CREBBP: variants seen among roughly 807,000 people sequenced by gnomAD.
CREBBP encodes CREB binding lysine acetyltransferase, also known as CREB-binding protein.
CREBBP carries 19 observed loss-of-function variants against 265.0 expected under a neutral mutation model. That is an observed-to-expected ratio of 0.07 (90% CI 0.05 to 0.11). CREBBP has a LOEUF of 0.11. Among genes scored for constraint, CREBBP ranks in the 10% least tolerant of loss-of-function variants. CREBBP has a pLI of 1.00. For synonymous variants in CREBBP, 1,457 were observed against 1,223.7 expected, an observed-to-expected ratio of 1.19 and a Z score of -3.98; for missense variants, 2,525 against 3,219.0, an observed-to-expected ratio of 0.78 and a Z score of 5.22.
rs547358632 is a variant in CREBBP at position 3,819,558 on chromosome 16, G to C, written c.799-8779C>G. On this transcript the variant is annotated intron_variant, in intron 2 of 30. Coordinates refer to ENST00000262367, the MANE Select transcript of CREBBP (RefSeq NM_004380.3). ...TAGGACGATAGGGAGAGGCCGGCTG[G>C]GATTACTGGCATTTGGATTATGGGA... Among the ~76,000 whole-genome samples the C allele has an allele frequency of 2.0e-5, 3 of 152,250 alleles. No homozygotes were observed. In the South Asian group the frequency reaches 6.2e-4, roughly 32 times the overall value.
intron 2 of CREBBP, among the ~76,000 whole-genome samples, chr16:3,820,628 C>T (rs1337251038): frequency 1.3e-5 from 2 of 152,176 alleles, no homozygotes; most frequent in African/African-American, 4.8e-5. Context: ...TTAAGATCCT[C>T]CCAGGCACGA....
At chr16:3,744,788 C>T (rs903041365) in intron 23 of CREBBP, 106 bp downstream of exon 23, 18 of 881,394 alleles carry the variant, frequency 2.0e-5, no homozygotes, top group African/African-American at 1.5e-4. Flanking sequence ...CTTTGACAAC[C>T]GAACCTCAGA....
chr16:3,796,467 A>G (rs893183826), intron 3 of CREBBP, among the ~76,000 whole-genome samples: 2 of 151,558 alleles, frequency 1.3e-5, no homozygotes, highest in Admixed American at 1.3e-4. Flanking sequence ...GCTTACTGCA[A>G]CCTCTGCCTC....
chr16:3,844,951 A>G (rs2054635515), intron 2 of CREBBP, among the ~76,000 whole-genome samples: 1 of 152,220 alleles, frequency 6.6e-6, no homozygotes, highest in Non-Finnish European at 1.5e-5. Context: ...CCCAGAAAAG[A>G]TAATTTATAT....
In CREBBP at chr16:3,733,799, A is replaced by G. The variant is rs539116410; in HGVS notation, c.4729-1862T>C. Among the ~76,000 whole-genome samples, 52 of 151,824 alleles carry G rather than the reference A, an allele frequency of 3.4e-4. No individual in the cohort carries two copies. The Middle Eastern group carries it at 0.01, about 30-fold the overall frequency. ...TGGGACTACAGGCGTGCGCCACCAC[A>G]CCTGGCTAATTTTTGTATTTTTAGT... On this transcript the variant is annotated intron_variant, in intron 28 of 30. Coordinates refer to ENST00000262367, the MANE Select transcript of CREBBP (RefSeq NM_004380.3).
chr16:3,844,103 C>A (rs2054618596), intron 2 of CREBBP, among the ~76,000 whole-genome samples: 2 of 144,292 alleles, frequency 1.4e-5, no homozygotes, highest in South Asian at 4.6e-4. Flanking sequence ...AGCCGAGATC[C>A]CGCCACTGCA....
intron 2 of CREBBP, among the ~76,000 whole-genome samples, chr16:3,825,676 A>G (rs2054223257): frequency 6.6e-6 from 1 of 152,084 alleles, no homozygotes; most frequent in Non-Finnish European, 1.5e-5. Context: ...TGCTGGGGGG[A>G]AACCTAATTT....
intron 2 of CREBBP, among the ~76,000 whole-genome samples, chr16:3,838,859 C>T (rs1419325019): frequency 6.6e-6 from 1 of 152,190 alleles, no homozygotes; most frequent in Admixed American, 6.5e-5. Flanking sequence ...GCTACTTTCA[C>T]TACCAAAAAA....
intron 3 of CREBBP, among the ~76,000 whole-genome samples, chr16:3,804,749 C>T (rs1245300198): frequency 2.0e-5 from 3 of 152,338 alleles, no homozygotes; most frequent in Admixed American, 6.5e-5. Context: ...AGTAAGTATG[C>T]AGCACATCTT....
intron 18 of CREBBP, 139 bp from the exon 19 acceptor site, chr16:3,757,515 A>G: frequency 1.1e-6 from 1 of 911,188 alleles, no homozygotes; most frequent in Admixed American, 2.1e-5. Context: ...TAGTAGCTTT[A>G]AAGACATTTT....
At chr16:3,790,851 G>A (rs1344732118) in intron 5 of CREBBP, among the ~76,000 whole-genome samples, 1 of 152,164 alleles carries the variant, frequency 6.6e-6, no homozygotes, top group Non-Finnish European at 1.5e-5. Context: ...CACGGGGGCT[G>A]TCACTGGCAC....
chr16:3,824,018 A>AAC (rs1210801910), intron 2 of CREBBP, among the ~76,000 whole-genome samples: 10 of 152,140 alleles, frequency 6.6e-5, no homozygotes, highest in Non-Finnish European at 7.4e-5. Context: ...GAAGTGTGTT[A>AAC]AAGTCTTTCA....
chr16:3,850,965 G>A lies in CREBBP; in HGVS notation c.130C>T (p.Leu44=), dbSNP rs771148768. The part of the protein sequence containing the change: ...FDLENDLPDE[L]IPNGGELGLL... ...CCTAATTCTCCTCCATTGGGTATCA[G>A]CTCATCAGGAAGATCATTTTCCAAG... Residue 44 remains leucine (L), a synonymous_variant, in exon 2 of 31, where the codon CTG becomes TTG. Coordinates refer to ENST00000262367, the MANE Select transcript of CREBBP (RefSeq NM_004380.3). The A allele has an allele frequency of 6.2e-7, 1 of 1,614,176 alleles. No homozygotes were observed. Among genetic ancestry groups the A allele is most frequent in the Non-Finnish European group, 8.5e-7 (1 of 1,180,030 alleles).
intron 3 of CREBBP, among the ~76,000 whole-genome samples, chr16:3,806,512 C>A (rs1365931386): frequency 1.3e-5 from 2 of 151,970 alleles, no homozygotes; most frequent in Non-Finnish European, 2.9e-5. Flanking sequence ...TTGCAGGAGA[C>A]CACGTGGGAG....
intron 2 of CREBBP, among the ~76,000 whole-genome samples, chr16:3,822,687 T>C (rs557801268): frequency 6.6e-6 from 1 of 152,322 alleles, no homozygotes; most frequent in East Asian, 1.9e-4. Context: ...AATCTAAAAG[T>C]GTAAAGCACA....
chr16:3,876,901 G>C (rs533636364), intron 1 of CREBBP, among the ~76,000 whole-genome samples: 6 of 152,180 alleles, frequency 3.9e-5, no homozygotes, highest in African/African-American at 1.2e-4. Context: ...AGTGCTGTTT[G>C]CAACATCCAT....
At chr16:3,752,929 A>G (rs1178190357) in intron 19 of CREBBP, among the ~76,000 whole-genome samples, 1 of 152,262 alleles carries the variant, frequency 6.6e-6, no homozygotes, top group African/African-American at 2.4e-5. Context: ...TGAGAAATCA[A>G]CAGAAATGCA....
chr16:3,806,516 G>A (rs1012567004), intron 3 of CREBBP, among the ~76,000 whole-genome samples: 2 of 151,392 alleles, frequency 1.3e-5, no homozygotes, highest in Admixed American at 6.6e-5. Flanking sequence ...AGGAGACCAC[G>A]TGGGAGAACC....
chr16:3,822,366 A>G (rs978934233), intron 2 of CREBBP, among the ~76,000 whole-genome samples: 3 of 152,250 alleles, frequency 2.0e-5, no homozygotes, highest in African/African-American at 7.2e-5. Flanking sequence ...GACAGAACTC[A>G]CAAGGCTTTA....
Sources: gnomAD v4.1 joint callset for allele counts (sites outside exome capture counted in the v4.1 genomes callset) on GRCh38, gnomAD v4.1.1 for gene constraint, MANE v1.5 for transcripts, NCBI Gene and HGNC (gene_info 2026-07-23, HGNC 2026-07-21) for gene names.